The following COX10 variants were observed in gnomAD, a reference collection of about 807,000 sequenced individuals.
The protein encoded by COX10 is protoheme IX farnesyltransferase, mitochondrial.
In COX10, 27 loss-of-function variants were observed where a neutral mutation model predicts 37.3. The ratio of observed to expected loss-of-function variants is 0.72; its 90% CI spans 0.53 to 1.00. The LOEUF is 1.00. Ranked by LOEUF, COX10 falls within the 50% of genes least tolerant of loss-of-function variation. The pLI, the probability that COX10 is intolerant of heterozygous loss-of-function variation, is 0.00. For missense variants in COX10, 475 were observed against 563.2 expected, an observed-to-expected ratio of 0.84 and a Z score of 1.59; for synonymous variants, 222 against 229.1, an observed-to-expected ratio of 0.97 and a Z score of 0.28.
intron 4 of COX10, among the ~76,000 whole-genome samples, chr17:14,152,656 G>A (rs1164318414): frequency 6.6e-6 from 1 of 152,172 alleles, no homozygotes; most frequent in Non-Finnish European, 1.5e-5. Context: ...GTAGAAGAGA[G>A]CAAGAACAAC....
At chr17:14,103,035 A>C (rs553154102) in intron 4 of COX10, among the ~76,000 whole-genome samples, 1 of 152,202 alleles carries the variant, frequency 6.6e-6, no homozygotes, top group Non-Finnish European at 1.5e-5. Context: ...GATAATGCCT[A>C]TAGTCATTAT....
intron 5 of COX10, among the ~76,000 whole-genome samples, chr17:14,165,940 C>G (rs779952173): frequency 1.8e-4 from 28 of 152,236 alleles, no homozygotes; most frequent in Non-Finnish European, 3.4e-4. Flanking sequence ...GGCCCTAACT[C>G]TCTTCAGTTT....
chr17:14,191,977 C>T lies in COX10; in HGVS notation c.696-12C>T. 6.2e-7 allele frequency: 1 copy of T among 1,612,628 alleles called. No individual in the cohort carries two copies. The highest frequency in any genetic ancestry group is 1.1e-5 in the South Asian group (1 of 91,048). On this transcript the variant is annotated splice_polypyrimidine_tract_variant and intron_variant, in intron 5 of 6. Coordinates refer to ENST00000261643, the MANE Select transcript of COX10 (RefSeq NM_001303.4). ...GGAGATGATCACTCCAGGTTCTCTG[C>T]TCTTTTTCCAGCCCATTGCTAGCTG...
At position 14,122,006 on chromosome 17, in the gene COX10, T is replaced by C. The variant is rs574062830; in HGVS notation, c.624+19764T>C. ...GTAGTTGGCCATACGGCTTGGGTCG[T>C]GTTGTTGAGTATCGTAATTGCCCAG... On this transcript the variant is annotated intron_variant, in intron 4 of 6. Transcript: ENST00000261643. Among the ~76,000 whole-genome samples the C allele has an allele frequency of 5.9e-5, 9 of 152,184 alleles. No individual in the cohort carries two copies. The East Asian group carries it at 7.7e-4, about 13-fold the overall frequency.
At chr17:14,133,056 G>A (rs1428912711) in intron 4 of COX10, among the ~76,000 whole-genome samples, 1 of 151,638 alleles carries the variant, frequency 6.6e-6, no homozygotes, top group Non-Finnish European at 1.5e-5. Flanking sequence ...GTTTAGAAAT[G>A]TGTGGTGTTT....
intron 1 of COX10, among the ~76,000 whole-genome samples, chr17:14,071,106 A>G (rs143232736): frequency 6.6e-6 from 1 of 152,298 alleles, no homozygotes; most frequent in East Asian, 1.9e-4. Flanking sequence ...ATGTTCTTTG[A>G]TCCTGATCCT....
chr17:14,090,028 C>G (rs1316491011), intron 3 of COX10, among the ~76,000 whole-genome samples: 1 of 151,808 alleles, frequency 6.6e-6, no homozygotes, highest in Non-Finnish European at 1.5e-5. Flanking sequence ...TTTTTTGCTT[C>G]TTCTCTCCTC....
chr17:14,159,887 T>G lies in COX10; in HGVS notation c.635T>G (p.Val212Gly). The part of the protein sequence containing the change: ...AANSINQFFE[V>G]PFDSNMNRTK... ...TCATTCTTTTTACAGTTTTTTGAGG[T>G]GCCATTTGACTCAAACATGAATAGG... The change falls in exon 5 of 7, where the codon GTG becomes GGG. Residue 212 changes from valine (V) to glycine (G), a missense_variant. Val to Gly is a moderately radical substitution (Grantham distance 109, BLOSUM62 -3). This residue lies in a region of COX10 where 54 missense variants were observed against 70.6 expected (regional missense o/e 0.76). Transcript: ENST00000261643. 6.2e-7 allele frequency: 1 copy of G among 1,611,482 alleles called. No homozygotes were observed. Among genetic ancestry groups the G allele is most frequent in the Non-Finnish European group, 8.5e-7 (1 of 1,179,084 alleles).
chr17:14,102,852 A>T (rs1915815283), intron 4 of COX10, among the ~76,000 whole-genome samples: 1 of 152,040 alleles, frequency 6.6e-6, no homozygotes, highest in Admixed American at 6.6e-5. Context: ...CTTTTTCATA[A>T]GATATTATAG....
chr17:14,200,626 C>G (rs1432450661), intron 6 of COX10, among the ~76,000 whole-genome samples: 1 of 152,182 alleles, frequency 6.6e-6, no homozygotes, highest in African/African-American at 2.4e-5. Flanking sequence ...TCCATGCTCT[C>G]AGGAAGCTGC....
chr17:14,183,054 A>G (rs1905914537), intron 5 of COX10, among the ~76,000 whole-genome samples: 1 of 150,624 alleles, frequency 6.6e-6, no homozygotes, highest in African/African-American at 2.4e-5. Flanking sequence ...GGAGAAAAAA[A>G]TAATTCATAG....
At chr17:14,125,374 G>A (rs893609320) in intron 4 of COX10, among the ~76,000 whole-genome samples, 5 of 152,130 alleles carry the variant, frequency 3.3e-5, no homozygotes, top group Non-Finnish European at 7.4e-5. Context: ...TGTCAAATTC[G>A]TTCTTTGTTG....
At chr17:14,135,262 A>C (rs913115699) in intron 4 of COX10, among the ~76,000 whole-genome samples, 2 of 151,966 alleles carry the variant, frequency 1.3e-5, no homozygotes, top group East Asian at 1.9e-4. Flanking sequence ...GATGTTGTTA[A>C]GTTGAAATCT....
chr17:14,207,223 GA>G lies in COX10; in HGVS notation c.*11del. On this transcript the variant is annotated 3_prime_UTR_variant, in exon 7 of 7. Transcript: ENST00000261643. ...GCCCCCTCCCAGCTGAGAGCACTGG[GA>G]CGCCCACCGCCCCTTTCCCTCCGCT... 6.3e-7 allele frequency: 1 copy of G among 1,576,968 alleles called. No individual in the cohort carries two copies. The highest frequency in any genetic ancestry group is 8.6e-7 in the Non-Finnish European group (1 of 1,165,262).
intron 4 of COX10, among the ~76,000 whole-genome samples, chr17:14,119,551 G>C: frequency 6.6e-6 from 1 of 152,120 alleles, no homozygotes; most frequent in Admixed American, 6.6e-5. Context: ...TTGCTTTAGT[G>C]GGAGCTGCAA....
chr17:14,094,054 G>C (rs1668608026), intron 3 of COX10, among the ~76,000 whole-genome samples: 1 of 151,930 alleles, frequency 6.6e-6, no homozygotes, highest in African/African-American at 2.4e-5. Context: ...GCAAAACCCT[G>C]CCTCTGAAAA....
chr17:14,160,199 C>A (rs1905144936), intron 5 of COX10, among the ~76,000 whole-genome samples: 1 of 151,864 alleles, frequency 6.6e-6, no homozygotes, highest in Non-Finnish European at 1.5e-5. Context: ...ATTTTTAATT[C>A]CACTTTGAAG....
intron 5 of COX10, among the ~76,000 whole-genome samples, chr17:14,168,414 G>A (rs760022530): frequency 6.6e-6 from 1 of 152,168 alleles, no homozygotes; most frequent in African/African-American, 2.4e-5. Flanking sequence ...AGGTGTGGAG[G>A]ATGGTAGCTG....
chr17:14,192,634 G>A, intron 6 of COX10, among the ~76,000 whole-genome samples: 1 of 152,176 alleles, frequency 6.6e-6, no homozygotes, highest in East Asian at 1.9e-4. Context: ...AGCCTCCTGT[G>A]TTCCCCTCTT....
Sources: allele counts gnomAD v4.1 joint callset (sites outside exome capture counted in the v4.1 genomes callset), GRCh38; gene constraint gnomAD v4.1.1; regional missense constraint gnomAD v4.1.1; transcripts MANE v1.5; gene names NCBI Gene and HGNC (gene_info 2026-07-23, HGNC 2026-07-21).